RALYL: variants seen among roughly 807,000 people sequenced by gnomAD.
RALYL encodes RALY RNA binding protein like.
Under a neutral mutation model 35.1 loss-of-function variants are expected in RALYL, and 29 were observed. The observed-to-expected ratio is 0.83, with a 90% CI of 0.61 to 1.13. The LOEUF (loss-of-function observed/expected upper bound fraction) is 1.13, where lower values mean the gene tolerates loss of function less well. Ranked by LOEUF, RALYL falls within the 50% of genes most tolerant of loss-of-function variation. The pLI is 0.00. For missense variants in RALYL, 359 were observed against 360.4 expected, an observed-to-expected ratio of 1.00 and a Z score of 0.03; for synonymous variants, 120 against 127.6, an observed-to-expected ratio of 0.94 and a Z score of 0.40.
chr8:84,318,227 T>A (rs1844135822), intron 1 of RALYL, among the ~76,000 whole-genome samples: 1 of 152,198 alleles, frequency 6.6e-6, no homozygotes, highest in Non-Finnish European at 1.5e-5. Context: ...CTGCACAAGC[T>A]GCATGCCTGT....
intron 1 of RALYL, among the ~76,000 whole-genome samples, chr8:84,515,378 A>G (rs1027783152): frequency 2.6e-4 from 39 of 152,316 alleles, no homozygotes; most frequent in African/African-American, 9.4e-4. Flanking sequence ...AATGTTATAT[A>G]TACTGTCTTA....
intron 1 of RALYL, among the ~76,000 whole-genome samples, chr8:84,365,620 G>A (rs935217387): frequency 1.3e-5 from 2 of 152,172 alleles, no homozygotes; most frequent in Non-Finnish European, 2.9e-5. Flanking sequence ...TTTTATGAAA[G>A]CAGTGAGTTA....
intron 2 of RALYL, among the ~76,000 whole-genome samples, chr8:84,592,730 G>T (rs1032469057): frequency 5.3e-5 from 8 of 151,828 alleles, no homozygotes; most frequent in Non-Finnish European, 1.0e-4. Context: ...AAGAAGACTG[G>T]GTTTATAAGC....
rs561523794 is a variant in RALYL, at chr8:84,494,804, T to C, written c.-23-34495T>C. On this transcript the variant is annotated intron_variant, in intron 1 of 8. Coordinates refer to ENST00000521268, the MANE Select transcript of RALYL (RefSeq NM_173848.7). ...AGCTTAAGGAGTTTTGGGGCTAAGA[T>C]GATGGAGTTTTCTAAATATAGGATC... Among the ~76,000 whole-genome samples the C allele has an allele frequency of 5.9e-5, 9 of 152,156 alleles. No homozygotes were observed. The South Asian group carries it at 1.7e-3, about 28-fold the overall frequency.
intron 2 of RALYL, among the ~76,000 whole-genome samples, chr8:84,626,801 C>A (rs1382618730): frequency 6.6e-6 from 1 of 152,094 alleles, no homozygotes; most frequent in Non-Finnish European, 1.5e-5. Context: ...TGTGTATGAT[C>A]CTGCCAAGTT....
intron 1 of RALYL, among the ~76,000 whole-genome samples, chr8:84,392,062 C>T (rs73300753): frequency 0.028 from 4,303 of 152,118 alleles, 199 homozygotes; most frequent in African/African-American, 0.098. Flanking sequence ...CAAGAACGCA[C>T]TTAAAAGTGC....
chr8:84,374,078 A>C (rs1453331771), intron 1 of RALYL, among the ~76,000 whole-genome samples: 3 of 152,016 alleles, frequency 2.0e-5, no homozygotes, highest in Admixed American at 2.0e-4. Context: ...ACTTTGTTGA[A>C]GTTGTTTATC....
At chr8:84,902,175 A>G (rs1845803111) in intron 8 of RALYL, among the ~76,000 whole-genome samples, 1 of 152,120 alleles carries the variant, frequency 6.6e-6, no homozygotes, top group Non-Finnish European at 1.5e-5. Context: ...CTGTACAGGG[A>G]GCATGATGCT....
chr8:84,739,622 T>C (rs1006914760), intron 2 of RALYL, among the ~76,000 whole-genome samples: 12 of 151,856 alleles, frequency 7.9e-5, no homozygotes, highest in African/African-American at 2.9e-4. Flanking sequence ...GTATTTCATA[T>C]ATATATTCAC....
intron 3 of RALYL, among the ~76,000 whole-genome samples, chr8:84,784,271 T>C (rs147380110): frequency 5.1e-4 from 77 of 152,194 alleles, no homozygotes; most frequent in Admixed American, 1.2e-3. Context: ...AATAAACAAT[T>C]TGACAATGTG....
chr8:84,448,685 CAAG>C (rs1291129901), intron 1 of RALYL, among the ~76,000 whole-genome samples: 1 of 151,994 alleles, frequency 6.6e-6, no homozygotes. Context: ...AAAATGAAGA[CAAG>C]GAGAACAAGT....
intron 1 of RALYL, among the ~76,000 whole-genome samples, chr8:84,269,697 A>G (rs1320839164): frequency 6.6e-6 from 1 of 152,150 alleles, no homozygotes; most frequent in African/African-American, 2.4e-5. Flanking sequence ...AAGAAAGATC[A>G]TCAACTCTGA....
At chr8:84,816,346 C>A (rs990930833) in intron 4 of RALYL, among the ~76,000 whole-genome samples, 1 of 152,126 alleles carries the variant, frequency 6.6e-6, no homozygotes, top group African/African-American at 2.4e-5. Flanking sequence ...TGAATTATTT[C>A]TTCTTCTTCA....
chr8:84,714,044 A>T (rs1842600380), intron 2 of RALYL, among the ~76,000 whole-genome samples: 1 of 151,732 alleles, frequency 6.6e-6, no homozygotes, highest in Non-Finnish European at 1.5e-5. Flanking sequence ...ACACACACAC[A>T]CACCCCAATG....
intron 1 of RALYL, among the ~76,000 whole-genome samples, chr8:84,186,220 G>A (rs186865695): frequency 1.3e-5 from 2 of 152,156 alleles, no homozygotes; most frequent in African/African-American, 2.4e-5. Context: ...AAGATTTGAA[G>A]CCAATATGAT....
chr8:84,382,413 A>G lies in RALYL; in HGVS notation c.-23-146886A>G, dbSNP rs188111776. On this transcript the variant is annotated intron_variant, in intron 1 of 8. Transcript: ENST00000521268. Reference sequence around the variant, plus strand: ...ACTGATGCATAAAGAAAATGCATCAACTAAGCAGATTGTTCTGTGATGACT... The same window carrying G: ...ACTGATGCATAAAGAAAATGCATCAGCTAAGCAGATTGTTCTGTGATGACT... Among the ~76,000 whole-genome samples the G allele has an allele frequency of 4.1e-3, 628 of 151,898 alleles. 6 individuals carry two copies. Among genetic ancestry groups the G allele is most frequent in the African/African-American group, 0.014 (592 of 41,518 alleles).
chr8:84,699,027 TA>T (rs927756411), intron 2 of RALYL, among the ~76,000 whole-genome samples: 6 of 145,854 alleles, frequency 4.1e-5, no homozygotes, highest in Non-Finnish European at 7.4e-5. Context: ...GATAGATAGA[TA>T]GATAGATAGA....
At chr8:84,228,262 C>T (rs1387487520) in intron 1 of RALYL, among the ~76,000 whole-genome samples, 1 of 151,474 alleles carries the variant, frequency 6.6e-6, no homozygotes, top group Non-Finnish European at 1.5e-5. Context: ...AATACAGTCG[C>T]AAGAATAAGC....
At chr8:84,375,345 A>C (rs1856703679) in intron 1 of RALYL, among the ~76,000 whole-genome samples, 1 of 151,886 alleles carries the variant, frequency 6.6e-6, no homozygotes, top group South Asian at 2.1e-4. Context: ...GTCCCTAAAG[A>C]ACCATATGAT....
Sources: allele counts gnomAD v4.1 joint callset (sites outside exome capture counted in the v4.1 genomes callset), GRCh38; gene constraint gnomAD v4.1.1; transcripts MANE v1.5; gene names NCBI Gene and HGNC (gene_info 2026-07-23, HGNC 2026-07-21).